The following PDSS2 variants were observed in gnomAD, a reference collection of about 807,000 sequenced individuals.
The protein encoded by PDSS2 is all trans-polyprenyl-diphosphate synthase PDSS2.
In PDSS2, 31 loss-of-function variants were observed where a neutral mutation model predicts 44.5. The observed-to-expected ratio is 0.70, with a 90% CI of 0.52 to 0.94. The LOEUF (loss-of-function observed/expected upper bound fraction) is 0.94, where lower values mean the gene tolerates loss of function less well. Ranked by LOEUF, PDSS2 falls within the 40% of genes least tolerant of loss-of-function variation. The probability of loss-of-function intolerance (pLI) is 0.00; values close to 1 mark genes in which losing one functional copy is unlikely to be tolerated. For synonymous variants in PDSS2, 157 were observed against 180.3 expected (o/e 0.87, Z 1.03); for missense variants, 452 against 482.2 (o/e 0.94, Z 0.59).
At chr6:107,434,226 C>G (rs781201380) in intron 1 of PDSS2, among the ~76,000 whole-genome samples, 3 of 152,184 alleles carry the variant, frequency 2.0e-5, no homozygotes, top group Non-Finnish European at 4.4e-5. Context: ...ATAGAGATAA[C>G]TTGTGATCCA....
At chr6:107,317,924 G>A (rs989397520) in intron 2 of PDSS2, among the ~76,000 whole-genome samples, 1 of 152,008 alleles carries the variant, frequency 6.6e-6, no homozygotes, top group South Asian at 2.1e-4. Context: ...CCAAAATGTC[G>A]AAGGAAAGCA....
At chr6:107,216,607 A>C (rs1414892800) in intron 4 of PDSS2, among the ~76,000 whole-genome samples, 1 of 152,252 alleles carries the variant, frequency 6.6e-6, no homozygotes, top group Non-Finnish European at 1.5e-5. Context: ...ACTCGAATGA[A>C]TATAAAGACA....
At chr6:107,359,175 T>C (rs1386657729) in intron 1 of PDSS2, among the ~76,000 whole-genome samples, 1 of 151,484 alleles carries the variant, frequency 6.6e-6, no homozygotes, top group Non-Finnish European at 1.5e-5. Context: ...CACGCCCAGC[T>C]GATTTTTTGT....
intron 6 of PDSS2, among the ~76,000 whole-genome samples, chr6:107,207,606 GTCTT>G (rs1400740170): frequency 7.5e-6 from 1 of 132,620 alleles, no homozygotes; most frequent in African/African-American, 2.8e-5. Context: ...TCAGTAAAGT[GTCTT>G]TTTTTTTTTT....
intron 6 of PDSS2, among the ~76,000 whole-genome samples, chr6:107,208,000 T>TTG (rs1239641931): frequency 4.7e-5 from 7 of 147,388 alleles, no homozygotes; most frequent in Non-Finnish European, 3.0e-5. Context: ...TTTTTTTTTT[T>TTG]TATGAAACAG....
intron 1 of PDSS2, among the ~76,000 whole-genome samples, chr6:107,398,785 C>A (rs192185431): frequency 6.6e-6 from 1 of 152,324 alleles, no homozygotes; most frequent in Admixed American, 6.5e-5. Context: ...GTGGGCTCCC[C>A]CACCTGGACC....
At chr6:107,229,946 T>G (rs560863663) in intron 4 of PDSS2, 1 of 214,240 alleles carries the variant, frequency 4.7e-6, no homozygotes, top group East Asian at 1.1e-4. Context: ...AGAGCTCACA[T>G]TGGTGGCGGC....
rs554833439 is a variant in PDSS2 at position 107,208,625 on chromosome 6, T to G, written c.1008+1814A>C. Among the ~76,000 whole-genome samples, 1,116 of 146,518 alleles carry G rather than the reference T, an allele frequency of 7.6e-3. 14 individuals are homozygous for G. The highest frequency in any genetic ancestry group is 0.019 in the South Asian group (87 of 4,552). The stretch of plus-strand genomic sequence containing the variant: ...GGCCTGTGACTTTTTTTTTTTTTTT[T>G]GGGGACGGAGTTTAGCTCTTGTCGC... On this transcript the variant is annotated intron_variant, in intron 6 of 7. Coordinates refer to ENST00000369037, the MANE Select transcript of PDSS2 (RefSeq NM_020381.4).
intron 1 of PDSS2, among the ~76,000 whole-genome samples, chr6:107,365,450 G>A (rs900565064): frequency 2.6e-5 from 4 of 152,190 alleles, no homozygotes; most frequent in African/African-American, 9.6e-5. Flanking sequence ...AGGAGGAACA[G>A]AGAAACAAAA....
intron 4 of PDSS2, among the ~76,000 whole-genome samples, chr6:107,236,562 C>T (rs1193842281): frequency 6.6e-6 from 1 of 152,114 alleles, no homozygotes; most frequent in Non-Finnish European, 1.5e-5. Context: ...TACATTCTGG[C>T]ATTACAGATC....
At chr6:107,382,180 G>A (rs1779473665) in intron 1 of PDSS2, among the ~76,000 whole-genome samples, 1 of 152,140 alleles carries the variant, frequency 6.6e-6, no homozygotes, top group Non-Finnish European at 1.5e-5. Flanking sequence ...TGTATTCACT[G>A]TTATATCCCC....
At chr6:107,217,168 G>A (rs527751036) in intron 4 of PDSS2, among the ~76,000 whole-genome samples, 5 of 152,258 alleles carry the variant, frequency 3.3e-5, no homozygotes, top group Non-Finnish European at 5.9e-5. Context: ...GACAAACGGC[G>A]AATCTCCCTG....
intron 3 of PDSS2, among the ~76,000 whole-genome samples, chr6:107,246,561 T>C (rs1774622129): frequency 6.6e-6 from 1 of 152,186 alleles, no homozygotes; most frequent in Non-Finnish European, 1.5e-5. Context: ...TGTTTCAGCT[T>C]TTATCATTCT....
chr6:107,450,205 C>T (rs990556984), intron 1 of PDSS2, among the ~76,000 whole-genome samples: 1 of 152,114 alleles, frequency 6.6e-6, no homozygotes, highest in Non-Finnish European at 1.5e-5. Flanking sequence ...GGTAGCATTT[C>T]GTTGTTATGT....
chr6:107,210,863 G>T (rs1220659845), intron 5 of PDSS2, among the ~76,000 whole-genome samples: 1 of 151,362 alleles, frequency 6.6e-6, no homozygotes, highest in African/African-American at 2.4e-5. Context: ...AATTGGGGGG[G>T]GTTTGCACAC....
intron 1 of PDSS2, among the ~76,000 whole-genome samples, chr6:107,433,824 T>C (rs183680967): frequency 1.5e-4 from 23 of 152,086 alleles, no homozygotes; most frequent in African/African-American, 3.4e-4. Context: ...GTCAACAAAG[T>C]GAAAAGACAA....
At position 107,154,542 on chromosome 6, in the gene PDSS2, A is replaced by G; in HGVS notation, c.*77T>C. On this transcript the variant is annotated 3_prime_UTR_variant, in exon 8 of 8. Transcript: ENST00000369037. ...CATATGTTTTAAAAGTCATTAACGC[A>G]TCGTGAAAGCGCTCCCAATCAACCT... 7.6e-7 allele frequency: 1 copy of G among 1,319,510 alleles called. No individual in the cohort carries two copies. The highest frequency in any genetic ancestry group is 1.1e-6 in the Non-Finnish European group (1 of 912,968). The allele number at this position is 1,319,510 out of a possible 1,614,324, so 81.7% of individuals were successfully genotyped here.
chr6:107,360,422 G>A (rs189718948), intron 1 of PDSS2, among the ~76,000 whole-genome samples: 12 of 152,248 alleles, frequency 7.9e-5, no homozygotes, highest in Non-Finnish European at 1.3e-4. Context: ...GAGAAAAGAT[G>A]GAAAGGAATA....
At chr6:107,362,173 T>C (rs760215039) in intron 1 of PDSS2, among the ~76,000 whole-genome samples, 20 of 152,168 alleles carry the variant, frequency 1.3e-4, no homozygotes, top group Non-Finnish European at 2.1e-4. Flanking sequence ...TTGACCAGGC[T>C]GTGTGCATTG....
Sources: gnomAD v4.1 joint callset for allele counts (sites outside exome capture counted in the v4.1 genomes callset) on GRCh38, gnomAD v4.1.1 for gene constraint, MANE v1.5 for transcripts, NCBI Gene and HGNC (gene_info 2026-07-23, HGNC 2026-07-21) for gene names.